The following RAD51B variants were observed in gnomAD, a reference collection of about 807,000 sequenced individuals.
The protein encoded by RAD51B is RAD51 paralog B.
In RAD51B, 38 loss-of-function variants were observed where a neutral mutation model predicts 42.2. The observed-to-expected ratio is 0.90, with a 90% CI of 0.70 to 1.18. The LOEUF is 1.18. RAD51B is among the 50% of genes most tolerant of loss of function. The probability of loss-of-function intolerance (pLI) is 0.00; values close to 1 mark genes in which losing one functional copy is unlikely to be tolerated. For synonymous variants in RAD51B, 154 were observed against 145.2 expected, an observed-to-expected ratio of 1.06 and a Z score of -0.43; for missense variants, 373 against 400.7, an observed-to-expected ratio of 0.93 and a Z score of 0.59.
At chr14:68,414,118 G>A (rs1412551361) in intron 9 of RAD51B, among the ~76,000 whole-genome samples, 1 of 152,126 alleles carries the variant, frequency 6.6e-6, no homozygotes, top group East Asian at 1.9e-4. Context: ...CCTTCAAGCC[G>A]ATTAACCCAA....
At chr14:68,578,425 C>CA in intron 10 of RAD51B, among the ~76,000 whole-genome samples, 1 of 151,926 alleles carries the variant, frequency 6.6e-6, no homozygotes, top group East Asian at 1.9e-4. Flanking sequence ...AAAACAAAAA[C>CA]AAAAAAAGGA....
Position 68,362,649 on chromosome 14 carries a change from A to T in RAD51B, c.854-48775A>T, listed in dbSNP as rs1454844084. Among the ~76,000 whole-genome samples the T allele has an allele frequency of 2.0e-5, 3 of 152,310 alleles. No homozygotes were observed. In the East Asian group the frequency reaches 5.8e-4, roughly 29 times the overall value. On this transcript the variant is annotated intron_variant, in intron 8 of 10. Transcript: ENST00000471583. ...CGGATCACGAGATCAGGAGATCGAG[A>T]CCATCCTGGCTAACAGGGTGAAACC...
At chr14:68,168,583 G>A (rs970752152) in intron 7 of RAD51B, among the ~76,000 whole-genome samples, 2 of 152,102 alleles carry the variant, frequency 1.3e-5, no homozygotes, top group African/African-American at 4.8e-5. Flanking sequence ...ATAATAGGCT[G>A]ATTGATAGGG....
chr14:68,498,355 T>C (rs1170902896), intron 10 of RAD51B, among the ~76,000 whole-genome samples: 2 of 152,242 alleles, frequency 1.3e-5, no homozygotes, highest in African/African-American at 4.8e-5. Flanking sequence ...TGCTGTGCTC[T>C]CCATAGCTAA....
chr14:67,847,772 C>T (rs913826848), intron 4 of RAD51B, among the ~76,000 whole-genome samples: 27 of 151,982 alleles, frequency 1.8e-4, no homozygotes, highest in African/African-American at 5.3e-4. Context: ...GTGTGTGGAT[C>T]GTTCTATAGA....
intron 10 of RAD51B, among the ~76,000 whole-genome samples, chr14:68,513,899 T>C (rs763128414): frequency 6.6e-6 from 1 of 152,216 alleles, no homozygotes; most frequent in Non-Finnish European, 1.5e-5. Context: ...TGGCTATCTA[T>C]TGGACGTGAG....
At chr14:68,214,360 C>A (rs2079771603) in intron 7 of RAD51B, among the ~76,000 whole-genome samples, 1 of 152,142 alleles carries the variant, frequency 6.6e-6, no homozygotes, top group Non-Finnish European at 1.5e-5. Flanking sequence ...TACTTACCAA[C>A]TTTAACTTCA....
chr14:68,446,520 A>T (rs1369284202), intron 9 of RAD51B, among the ~76,000 whole-genome samples: 4 of 152,208 alleles, frequency 2.6e-5, no homozygotes, highest in African/African-American at 9.6e-5. Flanking sequence ...TGGAAGGATC[A>T]CATTTCCTTT....
intron 10 of RAD51B, among the ~76,000 whole-genome samples, chr14:68,546,711 G>T (rs541674375): frequency 1.3e-5 from 2 of 152,236 alleles, no homozygotes; most frequent in East Asian, 3.9e-4. Flanking sequence ...AGAGGAGCTG[G>T]GGGGAGGAGA....
Position 67,891,841 on chromosome 14 carries a change from A to T in RAD51B, c.756+4637A>T, listed in dbSNP as rs917835612. Among the ~76,000 whole-genome samples the T allele has an allele frequency of 8.0e-4, 122 of 152,278 alleles. 1 individual carries two copies. The highest frequency in any genetic ancestry group is 2.9e-3 in the African/African-American group (121 of 41,574). ...GGGAATATTGTGTTTATAACTGGTGAGATAAGAGGAAAAAGAATGTATGTA... is the reference window on the plus strand; with the variant it reads ...GGGAATATTGTGTTTATAACTGGTGTGATAAGAGGAAAAAGAATGTATGTA... On this transcript the variant is annotated intron_variant, in intron 7 of 10. Transcript: ENST00000471583.
intron 8 of RAD51B, among the ~76,000 whole-genome samples, chr14:68,349,919 C>T (rs1004628261): frequency 2.6e-5 from 4 of 152,172 alleles, no homozygotes; most frequent in Admixed American, 6.6e-5. Context: ...TATAAAATTA[C>T]ACATAGATGC....
chr14:68,500,913 G>A (rs1277979815), intron 10 of RAD51B, among the ~76,000 whole-genome samples: 1 of 152,214 alleles, frequency 6.6e-6, no homozygotes, highest in East Asian at 1.9e-4. Flanking sequence ...GAGCTCTGGG[G>A]ATCTCCTGTC....
chr14:68,525,701 G>T (rs1276800602), intron 10 of RAD51B, among the ~76,000 whole-genome samples: 1 of 152,140 alleles, frequency 6.6e-6, no homozygotes, highest in East Asian at 1.9e-4. Flanking sequence ...ACAACAAGCT[G>T]CTTTTCACAC....
intron 4 of RAD51B, among the ~76,000 whole-genome samples, chr14:67,853,837 T>G (rs189796392): frequency 6.6e-6 from 1 of 152,246 alleles, no homozygotes; most frequent in African/African-American, 2.4e-5. Flanking sequence ...TCACTGAATC[T>G]GTGTATGCTT....
At chr14:68,042,214 C>T (rs2076229253) in intron 7 of RAD51B, among the ~76,000 whole-genome samples, 1 of 152,148 alleles carries the variant, frequency 6.6e-6, no homozygotes. Context: ...GTTGTTTATT[C>T]AGTCTCCAAG....
chr14:68,444,829 C>T (rs1301685856), intron 9 of RAD51B, among the ~76,000 whole-genome samples: 1 of 152,140 alleles, frequency 6.6e-6, no homozygotes, highest in Non-Finnish European at 1.5e-5. Context: ...TCTGTTTTTA[C>T]CCCTTAATAA....
At chr14:68,530,027 A>G (rs1887176568) in intron 10 of RAD51B, among the ~76,000 whole-genome samples, 1 of 152,218 alleles carries the variant, frequency 6.6e-6, no homozygotes, top group African/African-American at 2.4e-5. Flanking sequence ...GATAGTATTT[A>G]AGAAGCCACC....
chr14:68,349,531 A>T (rs1320792242), intron 8 of RAD51B, among the ~76,000 whole-genome samples: 2 of 151,898 alleles, frequency 1.3e-5, no homozygotes, highest in Non-Finnish European at 2.9e-5. Context: ...ACGCCCAGCT[A>T]ATTTCTGTAT....
intron 7 of RAD51B, among the ~76,000 whole-genome samples, chr14:68,023,019 A>G (rs555186098): frequency 2.0e-5 from 3 of 152,274 alleles, no homozygotes; most frequent in Admixed American, 6.5e-5. Context: ...TCTGTGGTAT[A>G]TATGCACCCC....
Sources: allele counts gnomAD v4.1 joint callset (sites outside exome capture counted in the v4.1 genomes callset), GRCh38; gene constraint gnomAD v4.1.1; transcripts MANE v1.5; gene names NCBI Gene and HGNC (gene_info 2026-07-23, HGNC 2026-07-21).